Variants in RIN3 observed in about 807,000 individuals in gnomAD.
The protein encoded by RIN3 is RAB5 interacting protein 3.
In RIN3, 54 loss-of-function variants were observed where a neutral mutation model predicts 76.3. The ratio of observed to expected loss-of-function variants is 0.71; its 90% CI spans 0.57 to 0.89. The LOEUF is 0.89. Among genes scored for constraint, RIN3 ranks in the 40% least tolerant of loss-of-function variants. The pLI, the probability that RIN3 is intolerant of heterozygous loss-of-function variation, is 0.00. For synonymous variants in RIN3, 576 were observed against 564.0 expected, an observed-to-expected ratio of 1.02 and a Z score of -0.30; for missense variants, 1,256 against 1,322.1, an observed-to-expected ratio of 0.95 and a Z score of 0.78.
chr14:92,544,582 A>G (rs977942390), intron 1 of RIN3, among the ~76,000 whole-genome samples: 6 of 151,914 alleles, frequency 3.9e-5, no homozygotes, highest in African/African-American at 1.2e-4. Flanking sequence ...AAACAGCTGG[A>G]GTGGTCATGG....
intron 3 of RIN3, among the ~76,000 whole-genome samples, chr14:92,584,420 T>G (rs189304246): frequency 2.8e-4 from 42 of 152,264 alleles, no homozygotes; most frequent in African/African-American, 1.0e-3. Context: ...CAGGCCAGCC[T>G]CCAGTAGGAT....
In RIN3 at chr14:92,688,372, A is replaced by G; in HGVS notation, c.*120A>G. ...ACATGGGCCATTCCATGACGTGCCC[A>G]GGCCAACGTCGCAGGACAGTTGTGA... On this transcript the variant is annotated 3_prime_UTR_variant, in exon 10 of 10. Coordinates refer to ENST00000216487, the MANE Select transcript of RIN3 (RefSeq NM_024832.5). 1 of 955,396 alleles carries G rather than the reference A, an allele frequency of 1.0e-6. No individual in the cohort carries two copies. 59.2% of individuals were successfully genotyped at this position (955,396 alleles called of 1,614,324 possible). A position where few individuals can be genotyped will look rare whatever the true frequency, so the allele number is the denominator to read the frequency against.
intron 2 of RIN3, among the ~76,000 whole-genome samples, chr14:92,563,285 C>T (rs867018747): frequency 1.3e-5 from 2 of 152,102 alleles, no homozygotes; most frequent in African/African-American, 4.8e-5. Flanking sequence ...CGCTTGAACC[C>T]GGGAGGCAGA....
chr14:92,518,789 C>CTCTGTGTG (rs1555379430), intron 1 of RIN3, among the ~76,000 whole-genome samples: 1 of 128,330 alleles, frequency 7.8e-6, no homozygotes, highest in African/African-American at 3.0e-5. Context: ...TAAGGGTGGC[C>CTCTGTGTG]TGTGTGTGTG....
chr14:92,614,913 G>A (rs545350231), intron 3 of RIN3, among the ~76,000 whole-genome samples: 7 of 144,992 alleles, frequency 4.8e-5, no homozygotes, highest in African/African-American at 1.3e-4. Context: ...GTGCAGTCTC[G>A]GCTCTCTGCA....
chr14:92,527,952 A>C (rs1160458377), intron 1 of RIN3, among the ~76,000 whole-genome samples: 1 of 151,938 alleles, frequency 6.6e-6, no homozygotes, highest in African/African-American at 2.4e-5. Context: ...AGGCACTAAC[A>C]AACGTTTGCA....
chr14:92,570,464 A>C (rs1265064048), intron 2 of RIN3, among the ~76,000 whole-genome samples: 2 of 152,156 alleles, frequency 1.3e-5, no homozygotes, highest in African/African-American at 4.8e-5. Context: ...GGAGCTGGAG[A>C]CCAGCCTGGC....
intron 5 of RIN3, among the ~76,000 whole-genome samples, chr14:92,644,003 C>T (rs1305135680): frequency 2.0e-5 from 3 of 152,178 alleles, no homozygotes; most frequent in African/African-American, 7.2e-5. Flanking sequence ...ACAAGATTTG[C>T]ACCAAAGGCT....
intron 1 of RIN3, among the ~76,000 whole-genome samples, chr14:92,544,414 T>TGGGGGGGGGGGGGGGGGGGGG (rs71123353): frequency 8.0e-5 from 6 of 74,558 alleles, no homozygotes; most frequent in Admixed American, 5.7e-4. Context: ...GTGACAGCTG[T>TGGGGGGGGGGGGGGGGGGGGG]GGGGGGGGGG....
At chr14:92,543,261 G>A (rs1897167357) in intron 1 of RIN3, among the ~76,000 whole-genome samples, 1 of 152,072 alleles carries the variant, frequency 6.6e-6, no homozygotes, top group South Asian at 2.1e-4. Flanking sequence ...CTTTATGGGG[G>A]GTGGGGGGAG....
intron 1 of RIN3, among the ~76,000 whole-genome samples, chr14:92,540,283 C>A (rs1897103060): frequency 1.3e-5 from 2 of 152,202 alleles, no homozygotes; most frequent in African/African-American, 4.8e-5. Context: ...TAGAGCCTGT[C>A]CCCTGTTCCT....
chr14:92,547,108 TTA>T (rs1387259904), intron 1 of RIN3, among the ~76,000 whole-genome samples: 1 of 84,964 alleles, frequency 1.2e-5, no homozygotes, highest in African/African-American at 4.2e-5. Context: ...ATTAAATAAA[TTA>T]TCTTTATTTT....
At position 92,560,464 on chromosome 14, in the gene RIN3, G is replaced by A. The variant is rs548996360; in HGVS notation, c.249+4509G>A. On this transcript the variant is annotated intron_variant, in intron 2 of 9. Transcript: ENST00000216487. ...AGGGCCTGAGTGCATGTGCTGTTACGAAGATTGGCAGCTTTTACCCAGAGT... is the reference window on the plus strand; with the variant it reads ...AGGGCCTGAGTGCATGTGCTGTTACAAAGATTGGCAGCTTTTACCCAGAGT... Among the ~76,000 whole-genome samples, 5 of 152,222 alleles carry A rather than the reference G, an allele frequency of 3.3e-5. No homozygotes were observed. The East Asian group carries it at 7.8e-4, about 24-fold the overall frequency.
At chr14:92,525,392 G>C (rs1896703547) in intron 1 of RIN3, among the ~76,000 whole-genome samples, 1 of 152,174 alleles carries the variant, frequency 6.6e-6, no homozygotes. Flanking sequence ...CACCATAAAG[G>C]GCACAGAATG....
At chr14:92,562,160 T>C (rs61975768) in intron 2 of RIN3, among the ~76,000 whole-genome samples, 14,697 of 152,272 alleles carry the variant, frequency 0.097, 1,020 homozygotes, top group East Asian at 0.37. Flanking sequence ...GTTCCTCCAC[T>C]AGGACTTGTC....
chr14:92,629,782 G>A (rs999321540), intron 4 of RIN3, among the ~76,000 whole-genome samples: 6 of 152,222 alleles, frequency 3.9e-5, no homozygotes, highest in African/African-American at 1.4e-4. Context: ...ATGAGGAAAC[G>A]GAGACTGAGA....
At chr14:92,519,135 G>T (rs895314212) in intron 1 of RIN3, among the ~76,000 whole-genome samples, 3 of 152,090 alleles carry the variant, frequency 2.0e-5, no homozygotes, top group Admixed American at 1.3e-4. Context: ...TAGCATTCAG[G>T]GGATCAAAGT....
At chr14:92,590,917 C>T (rs1884956737) in intron 3 of RIN3, among the ~76,000 whole-genome samples, 1 of 152,132 alleles carries the variant, frequency 6.6e-6, no homozygotes, top group Admixed American at 6.5e-5. Context: ...TAGTACATTA[C>T]ATTTGGCCAT....
At chr14:92,658,238 C>G (rs1325936128) in intron 6 of RIN3, among the ~76,000 whole-genome samples, 1 of 152,190 alleles carries the variant, frequency 6.6e-6, no homozygotes, top group Non-Finnish European at 1.5e-5. Context: ...AAGAGCTGAT[C>G]GGGAATGCCT....
Sources: gnomAD v4.1 joint callset for allele counts (sites outside exome capture counted in the v4.1 genomes callset) on GRCh38, gnomAD v4.1.1 for gene constraint, MANE v1.5 for transcripts, NCBI Gene and HGNC (gene_info 2026-07-23, HGNC 2026-07-21) for gene names.